ANKRD26: variants seen among roughly 807,000 people sequenced by gnomAD.
ANKRD26 encodes ankyrin repeat domain-containing protein 26.
A neutral mutation model predicts 208.7 loss-of-function variants in ANKRD26; 141 were observed. That is an observed-to-expected ratio of 0.68 (90% CI 0.59 to 0.78). The LOEUF (loss-of-function observed/expected upper bound fraction) is 0.78, where lower values mean the gene tolerates loss of function less well. Ranked by LOEUF, ANKRD26 falls within the 30% of genes least tolerant of loss-of-function variation. The pLI, the probability that ANKRD26 is intolerant of heterozygous loss-of-function variation, is 0.00. For missense variants in ANKRD26, 1,889 were observed against 1,938.7 expected (o/e 0.97, Z 0.48); for synonymous variants, 636 against 660.4 (o/e 0.96, Z 0.57).
Position 26,986,383 on chromosome 10 carries a change from T to C in ANKRD26, c.490-3570A>G, listed in dbSNP as rs528063190. On this transcript the variant is annotated intron_variant and NMD_transcript_variant, in intron 3 of 5. Coordinates refer to the ANKRD26 transcript ENST00000674670. ...CATAGGCATGGGCAAGGACTTCATG[T>C]CTAAAACACCAAAAGCAATGGCAAC... 2.0e-5 allele frequency among the ~76,000 whole-genome samples: 3 copies of C among 152,148 alleles called. No individual in the cohort carries two copies. In the South Asian group the frequency reaches 6.2e-4, roughly 32 times the overall value.
At chr10:26,994,913 A>G in intron 5 of ANKRD26, 1 of 367,536 alleles carries the variant, frequency 2.7e-6, no homozygotes, top group Non-Finnish European at 5.4e-6. Flanking sequence ...AGGGAAATCA[A>G]CTTGGCTACT....
rs374673805 is a variant in ANKRD26, at chr10:27,098,231, G to A, written c.242+1854C>T. On this transcript the variant is annotated intron_variant, in intron 1 of 33. Transcript: ENST00000376087. ...TTGCTATGTTGCCCAGGCTAGTTTC[G>A]AACTCCTGGGTCAAGCAATCCTCCT... 9.4e-5 allele frequency among the ~76,000 whole-genome samples: 14 copies of A among 149,036 alleles called. No homozygotes were observed. In the East Asian group the frequency reaches 1.2e-3, roughly 13 times the overall value.
At chr10:27,022,312 G>A (rs952589408) in intron 29 of ANKRD26, among the ~76,000 whole-genome samples, 7 of 152,096 alleles carry the variant, frequency 4.6e-5, no homozygotes, top group African/African-American at 1.7e-4. Flanking sequence ...AATAACTAAT[G>A]AGCACTAGGC....
chr10:27,053,412 G>C lies in ANKRD26; in HGVS notation c.1565-22C>G, dbSNP rs1031681963. On this transcript the variant is annotated intron_variant, in intron 15 of 33. Transcript: ENST00000376087. ...TCAGCTGAAAAAATCCAAATATTTA[G>C]TTTAATGAACTACTTAGAACAGTTA... 1.4e-5 allele frequency: 22 copies of C among 1,555,304 alleles called. No homozygotes were observed. The East Asian group carries it at 2.0e-4, about 14-fold the overall frequency.
the ANKRD26 span, among the ~76,000 whole-genome samples, chr10:26,955,853 A>G: frequency 6.6e-6 from 1 of 152,188 alleles, no homozygotes; most frequent in African/African-American, 2.4e-5. Flanking sequence ...TAAAGTGGAA[A>G]CTGTATTTTT....
At chr10:27,073,388 CA>C in intron 9 of ANKRD26, among the ~76,000 whole-genome samples, 1 of 152,290 alleles carries the variant, frequency 6.6e-6, no homozygotes, top group South Asian at 2.1e-4. Flanking sequence ...GACTGCCCTC[CA>C]CGTTCAGGCT....
rs2135680715 is a variant in ANKRD26 at position 27,086,848 on chromosome 10, T to A, written c.639-239A>T. On this transcript the variant is annotated intron_variant, in intron 4 of 33. Transcript: ENST00000376087. ...GTACAGTGGTATGATATTGGCACAC[T>A]GCAACCTCCGCCTCCCGGGTTCAAG... Among the ~76,000 whole-genome samples the A allele has an allele frequency of 2.1e-5, 3 of 142,494 alleles. No individual in the cohort carries two copies. The South Asian group carries it at 6.9e-4, about 33-fold the overall frequency. 93.5% of individuals were successfully genotyped at this position (142,494 alleles called of 152,430 possible).
chr10:27,099,806 A>G (rs961608198), intron 1 of ANKRD26, among the ~76,000 whole-genome samples: 1 of 152,262 alleles, frequency 6.6e-6, no homozygotes, highest in African/African-American at 2.4e-5. Flanking sequence ...TTAAAAATAA[A>G]ACGCTGTACG....
chr10:26,989,229 G>C (rs1004515979), downstream of ANKRD26, among the ~76,000 whole-genome samples: 8 of 152,056 alleles, frequency 5.3e-5, no homozygotes, highest in Non-Finnish European at 8.8e-5. Context: ...ATGAATTTTG[G>C]GGGGGACTAA....
At chr10:26,953,730 T>G in the ANKRD26 span, among the ~76,000 whole-genome samples, 29 of 152,336 alleles carry the variant, frequency 1.9e-4, no homozygotes, top group East Asian at 5.4e-3. Flanking sequence ...GGGGTTAGTA[T>G]GCTTTTGGAA....
In ANKRD26 at chr10:26,982,084, T is replaced by C. The variant is rs142277807; in HGVS notation, c.*17+609A>G. On this transcript the variant is annotated intron_variant and NMD_transcript_variant, in intron 4 of 5. Transcript: ENST00000674670. ...TTAACATAAGACAACATAGACAATA[T>C]GGCAGAAGAAGCAGTCAGATATGTG... is the stretch of plus-strand genomic sequence containing the variant. 6.6e-5 allele frequency among the ~76,000 whole-genome samples: 10 copies of C among 152,310 alleles called. No individual in the cohort carries two copies. In the East Asian group the frequency reaches 1.9e-3, roughly 29 times the overall value.
At chr10:27,033,136 G>A in intron 25 of ANKRD26, 89 bp downstream of exon 25, 3 of 865,004 alleles carry the variant, frequency 3.5e-6, no homozygotes, top group East Asian at 3.2e-5. Flanking sequence ...AAACACAAAA[G>A]AAGGCTACCC....
In ANKRD26 at chr10:27,082,792, T is replaced by G; in HGVS notation, c.740+11A>C. 2 of 1,578,362 alleles carry G rather than the reference T, an allele frequency of 1.3e-6. No homozygotes were observed. The highest frequency in any genetic ancestry group is 2.3e-5 in the South Asian group (2 of 86,534). ...CTTTAAATATATTTTTAAAAATCTG[T>G]AAAATACTACCTGCTTAAGGAGTCT... On this transcript the variant is annotated intron_variant, in intron 6 of 33. Coordinates refer to ENST00000376087, the MANE Select transcript of ANKRD26 (RefSeq NM_014915.3).
chr10:27,039,854 T>C lies in ANKRD26; in HGVS notation c.2375+111A>G, dbSNP rs1191885882. On this transcript the variant is annotated intron_variant, in intron 21 of 33. Coordinates refer to ENST00000376087, the MANE Select transcript of ANKRD26 (RefSeq NM_014915.3). ...CCAAGAATTTCACACTCCACAAGAC[T>C]AAGAAGTTTTCTTCCCTGCTAAGCC... 2.0e-5 allele frequency: 19 copies of C among 947,392 alleles called. 1 individual carries two copies. The Admixed American group carries it at 3.7e-4, about 18-fold the overall frequency. 58.7% of individuals were successfully genotyped at this position (947,392 alleles called of 1,614,324 possible). A position where few individuals can be genotyped will look rare whatever the true frequency, so the allele number is the denominator to read the frequency against.
the ANKRD26 span, among the ~76,000 whole-genome samples, chr10:26,966,941 T>C: frequency 1.3e-3 from 200 of 152,336 alleles, no homozygotes; most frequent in African/African-American, 4.4e-3. Flanking sequence ...AAAAGCTTTC[T>C]TGCTTTTTTA....
chr10:27,055,026 C>A (rs1178415681), intron 15 of ANKRD26, among the ~76,000 whole-genome samples: 1 of 152,050 alleles, frequency 6.6e-6, no homozygotes, highest in Non-Finnish European at 1.5e-5. Context: ...GACAATATTG[C>A]AGAACAAGGA....
rs2135182067 is a variant in ANKRD26, at chr10:27,034,816, T to G, written c.3634A>C (p.Asn1212His). ...CTTACTTCTCTTTCTGCCTTTTCATTTTCATATTGATACTGTCTTTCTTTT... is the reference window on the plus strand; with the variant it reads ...CTTACTTCTCTTTCTGCCTTTTCATGTTCATATTGATACTGTCTTTCTTTT... ...HLKERQYQYE[N>H]EKAEREVVVR... Residue 1212 changes from asparagine (N) to histidine (H), a missense_variant, in exon 24 of 34, where the codon AAT becomes CAT. Coordinates refer to ENST00000376087, the MANE Select transcript of ANKRD26 (RefSeq NM_014915.3). 1 of 1,608,368 alleles carries G rather than the reference T, an allele frequency of 6.2e-7. No homozygotes were observed. The highest frequency in any genetic ancestry group is 2.2e-5 in the East Asian group (1 of 44,822).
chr10:26,976,705 T>A (rs1282503859), intron 5 of ANKRD26, among the ~76,000 whole-genome samples: 2 of 152,150 alleles, frequency 1.3e-5, no homozygotes, highest in Non-Finnish European at 2.9e-5. Flanking sequence ...GTTTAAGGCT[T>A]CTTAGCCGTC....
At chr10:27,037,514 G>A (rs962667495) in intron 22 of ANKRD26, among the ~76,000 whole-genome samples, 191 bp from the exon 23 acceptor site, 1 of 152,044 alleles carries the variant, frequency 6.6e-6, no homozygotes, top group African/African-American at 2.4e-5. Context: ...AAGCAAAAAT[G>A]GTTCTTAATA....
Sources: allele counts gnomAD v4.1 joint callset (sites outside exome capture counted in the v4.1 genomes callset), GRCh38; gene constraint gnomAD v4.1.1; transcripts MANE v1.5; gene names NCBI Gene and HGNC (gene_info 2026-07-23, HGNC 2026-07-21).